The following PDE1C variants were observed in gnomAD, a reference collection of about 807,000 sequenced individuals.
PDE1C encodes dual specificity calcium/calmodulin-dependent 3',5'-cyclic nucleotide phosphodiesterase 1C.
Under a neutral mutation model 93.1 loss-of-function variants are expected in PDE1C, and 62 were observed. That is an observed-to-expected ratio of 0.67 (90% CI 0.54 to 0.82). PDE1C has a LOEUF of 0.82. Ranked by LOEUF, PDE1C falls within the 40% of genes least tolerant of loss-of-function variation. PDE1C has a pLI of 0.00. For missense variants in PDE1C, 742 were observed against 884.6 expected, an observed-to-expected ratio of 0.84 and a Z score of 2.04; for synonymous variants, 325 against 310.1, an observed-to-expected ratio of 1.05 and a Z score of -0.50.
chr7:32,010,192 A>G (rs772282719), intron 2 of PDE1C, among the ~76,000 whole-genome samples: 4 of 152,240 alleles, frequency 2.6e-5, no homozygotes, highest in Non-Finnish European at 4.4e-5. Flanking sequence ...AAATAGCCAA[A>G]TCAATTTTTA....
At chr7:31,798,096 C>A (rs1439706864) in intron 16 of PDE1C, among the ~76,000 whole-genome samples, 1 of 151,766 alleles carries the variant, frequency 6.6e-6, no homozygotes, top group Non-Finnish European at 1.5e-5. Flanking sequence ...CCTTCTGATA[C>A]AATTTGACTT....
chr7:31,962,725 T>C (rs1809193964), intron 2 of PDE1C, among the ~76,000 whole-genome samples: 1 of 152,196 alleles, frequency 6.6e-6, no homozygotes, highest in Non-Finnish European at 1.5e-5. Flanking sequence ...CATGAAGGTA[T>C]CAGATCCCCT....
At chr7:31,624,290 C>G in the PDE1C span, among the ~76,000 whole-genome samples, 2 of 143,204 alleles carry the variant, frequency 1.4e-5, no homozygotes, top group South Asian at 4.8e-4. Flanking sequence ...TCATATGGAA[C>G]CAAAAAAGAG....
chr7:31,691,466 C>T, the PDE1C span, among the ~76,000 whole-genome samples: 1 of 152,126 alleles, frequency 6.6e-6, no homozygotes, highest in African/African-American at 2.4e-5. Context: ...AAAAAGAACT[C>T]AAGATACAGA....
chr7:32,270,360 G>A (rs147352418), intron 1 of PDE1C, among the ~76,000 whole-genome samples: 2 of 151,528 alleles, frequency 1.3e-5, no homozygotes, highest in Non-Finnish European at 2.9e-5. Context: ...TCTGCAAGAG[G>A]TTATAAGGCC....
chr7:31,748,371 C>T (rs1219640031), downstream of PDE1C, among the ~76,000 whole-genome samples: 1 of 152,192 alleles, frequency 6.6e-6, no homozygotes, highest in Non-Finnish European at 1.5e-5. Context: ...TCCATAATGA[C>T]TGATATCTAG....
intron 16 of PDE1C, chr7:31,790,303 T>C (rs1784434798): frequency 6.4e-7 from 1 of 1,553,924 alleles, no homozygotes; most frequent in Non-Finnish European, 8.8e-7. Flanking sequence ...ATGCTGCCTT[T>C]CCCCCCGCCC....
upstream of PDE1C, among the ~76,000 whole-genome samples, chr7:32,075,376 A>AG (rs2128731623): frequency 6.6e-6 from 1 of 152,134 alleles, no homozygotes; most frequent in South Asian, 2.1e-4. Flanking sequence ...AAGTAGCACC[A>AG]CCAGGCACAG....
intron 1 of PDE1C, among the ~76,000 whole-genome samples, chr7:32,273,693 C>T (rs934744435): frequency 2.0e-5 from 3 of 152,146 alleles, no homozygotes; most frequent in African/African-American, 7.2e-5. Context: ...GACTTGTACA[C>T]CGATTTGTGG....
chr7:31,663,602 A>G, the PDE1C span, among the ~76,000 whole-genome samples: 4 of 152,166 alleles, frequency 2.6e-5, no homozygotes, highest in African/African-American at 7.2e-5. Flanking sequence ...TTGACCTGCT[A>G]TTATTTACTT....
intron 2 of PDE1C, among the ~76,000 whole-genome samples, chr7:31,901,888 A>G (rs1226795005): frequency 6.6e-6 from 1 of 151,628 alleles, no homozygotes; most frequent in Non-Finnish European, 1.5e-5. Flanking sequence ...AACAAATAGT[A>G]TATAACGTTT....
At chr7:31,625,216 G>A in the PDE1C span, among the ~76,000 whole-genome samples, 21 of 152,048 alleles carry the variant, frequency 1.4e-4, no homozygotes, top group South Asian at 2.1e-4. Flanking sequence ...TCAGTGTGGC[G>A]ATTCCTCAGG....
At chr7:32,408,110 C>T (rs1165058925) in intron 1 of PDE1C, among the ~76,000 whole-genome samples, 1 of 152,120 alleles carries the variant, frequency 6.6e-6, no homozygotes, top group African/African-American at 2.4e-5. Flanking sequence ...AAAGATGATA[C>T]TGGGCAGGAA....
At position 32,417,598 on chromosome 7, in the gene PDE1C, G is replaced by A. The variant is rs145102801; in HGVS notation, c.310+10224C>T. ...ATCTCTCTCACTGCAGAGCCTGCCC[G>A]TGTAACTATAAGCAATATTAACTCC... On this transcript the variant is annotated intron_variant, in intron 1 of 1. Coordinates refer to the PDE1C transcript ENST00000672256. 3.3e-3 allele frequency among the ~76,000 whole-genome samples: 500 copies of A among 149,466 alleles called. 1 individual carries two copies. The highest frequency in any genetic ancestry group is 0.012 in the African/African-American group (477 of 40,474).
chr7:32,238,178 C>T (rs35411138), intron 1 of PDE1C, among the ~76,000 whole-genome samples: 16,002 of 152,202 alleles, frequency 0.11, 904 homozygotes, highest in East Asian at 0.13. Flanking sequence ...TAACAAAAAT[C>T]TATATTGTGT....
chr7:31,620,439 AT>A, the PDE1C span, among the ~76,000 whole-genome samples: 3 of 151,850 alleles, frequency 2.0e-5, no homozygotes, highest in African/African-American at 7.3e-5. Context: ...AGACAGCAGC[AT>A]TCGAGATTCA....
At chr7:31,756,087 G>T (rs1179206770) in intron 17 of PDE1C, among the ~76,000 whole-genome samples, 1 of 152,074 alleles carries the variant, frequency 6.6e-6, no homozygotes, top group African/African-American at 2.4e-5. Flanking sequence ...CAGGAGAATC[G>T]CTTGAACCTG....
chr7:32,030,073 AT>A (rs1790098261), intron 2 of PDE1C, among the ~76,000 whole-genome samples: 1 of 141,094 alleles, frequency 7.1e-6, no homozygotes, highest in Non-Finnish European at 1.5e-5. Context: ...AAAAATGCAT[AT>A]TATAACACAC....
chr7:32,096,576 G>C (rs1406118490), intron 3 of PDE1C, among the ~76,000 whole-genome samples: 1 of 152,160 alleles, frequency 6.6e-6, no homozygotes, highest in African/African-American at 2.4e-5. Context: ...TTCTAAATCT[G>C]TCTTGTGGGG....
Sources: gnomAD v4.1 joint callset for allele counts (sites outside exome capture counted in the v4.1 genomes callset) on GRCh38, gnomAD v4.1.1 for gene constraint, MANE v1.5 for transcripts, NCBI Gene and HGNC (gene_info 2026-07-23, HGNC 2026-07-21) for gene names.